KHDRBS2: variants seen among roughly 807,000 people sequenced by gnomAD.
KHDRBS2 encodes KH domain-containing, RNA-binding, signal transduction-associated protein 2.
KHDRBS2 carries 26 observed loss-of-function variants against 44.3 expected under a neutral mutation model. The ratio of observed to expected loss-of-function variants is 0.59; its 90% confidence interval spans 0.43 to 0.81. KHDRBS2 has a LOEUF of 0.81. Ranked by LOEUF, KHDRBS2 falls within the 40% of genes least tolerant of loss-of-function variation. The pLI is 0.00. For missense variants in KHDRBS2, 476 were observed against 433.1 expected (o/e 1.10, Z -0.88); for synonymous variants, 194 against 151.1 (o/e 1.28, Z -2.08).
In KHDRBS2 at chr6:62,177,296, T is replaced by C; in HGVS notation, c.108A>G (p.Gln36=). ...CGTCTTCCTTTTTTCCATCAGAACC[T>C]TGAAACTTTTCAATTTCTGGAAGAA... The part of the protein sequence containing the change: ...RLLAEEIEKF[Q]GSDGKKEDEE... Residue 36 remains glutamine, a synonymous_variant, in exon 2 of 9, where the codon CAA becomes CAG. Coordinates refer to ENST00000281156, the MANE Select transcript of KHDRBS2 (RefSeq NM_152688.4). 6.3e-7 allele frequency: 1 copy of C among 1,594,938 alleles called. No homozygotes were observed. The highest frequency in any genetic ancestry group is 8.6e-7 in the Non-Finnish European group (1 of 1,167,984).
At chr6:62,190,042 T>C (rs1824272879) in intron 1 of KHDRBS2, among the ~76,000 whole-genome samples, 1 of 152,114 alleles carries the variant, frequency 6.6e-6, no homozygotes, top group African/African-American at 2.4e-5. Context: ...CGCCAAGGAC[T>C]GAGCCCAGTG....
At chr6:61,863,062 T>C (rs912608226) in intron 6 of KHDRBS2, among the ~76,000 whole-genome samples, 1 of 152,136 alleles carries the variant, frequency 6.6e-6, no homozygotes, top group African/African-American at 2.4e-5. Flanking sequence ...GATTTTGTTA[T>C]TTATATGTAT....
intron 2 of KHDRBS2, among the ~76,000 whole-genome samples, chr6:62,103,973 T>C (rs1359328395): frequency 6.6e-6 from 1 of 151,974 alleles, no homozygotes; most frequent in Non-Finnish European, 1.5e-5. Context: ...TCATAAAGGA[T>C]GACCATGGAA....
chr6:61,604,781 T>A, the KHDRBS2 span, among the ~76,000 whole-genome samples: 197 of 152,288 alleles, frequency 1.3e-3, 4 homozygotes, highest in Non-Finnish European at 4.7e-4. Context: ...ACTCTTGGTC[T>A]GGGTAGACAC....
At chr6:62,056,056 G>A (rs768724455) in intron 2 of KHDRBS2, among the ~76,000 whole-genome samples, 1 of 151,834 alleles carries the variant, frequency 6.6e-6, no homozygotes. Context: ...CCATCTTTAC[G>A]GCCTGTTGGT....
intron 1 of KHDRBS2, among the ~76,000 whole-genome samples, chr6:62,220,626 T>C (rs1830748098): frequency 6.6e-6 from 1 of 151,832 alleles, no homozygotes; most frequent in African/African-American, 2.4e-5. Context: ...AACATTAGAC[T>C]ATTATCATTC....
At chr6:61,683,659 C>G (rs1280862473) in intron 8 of KHDRBS2, among the ~76,000 whole-genome samples, 2 of 151,968 alleles carry the variant, frequency 1.3e-5, no homozygotes, top group African/African-American at 2.4e-5. Flanking sequence ...AAAGGGTTAT[C>G]TAAGTATCAA....
At chr6:62,157,403 T>C (rs928293567) in intron 2 of KHDRBS2, among the ~76,000 whole-genome samples, 1 of 152,306 alleles carries the variant, frequency 6.6e-6, no homozygotes, top group East Asian at 1.9e-4. Flanking sequence ...TGTTTCATAG[T>C]TCTGGAACTA....
the KHDRBS2 span, among the ~76,000 whole-genome samples, chr6:61,576,005 A>G: frequency 6.6e-6 from 1 of 152,170 alleles, no homozygotes; most frequent in Non-Finnish European, 1.5e-5. Context: ...GGTACCGTGT[A>G]CACTGCTCAG....
At chr6:61,806,629 G>T in intron 6 of KHDRBS2, among the ~76,000 whole-genome samples, 1 of 91,194 alleles carries the variant, frequency 1.1e-5, no homozygotes, top group South Asian at 3.9e-4. Flanking sequence ...ATTGGTATAC[G>T]GGTCTGATTT....
chr6:61,921,972 T>A (rs868401476), intron 4 of KHDRBS2, among the ~76,000 whole-genome samples: 1 of 149,848 alleles, frequency 6.7e-6, no homozygotes, highest in South Asian at 2.1e-4. Context: ...ATTCTTTCTT[T>A]AGAGTGGCAA....
At chr6:62,122,734 C>T (rs1313126032) in intron 2 of KHDRBS2, among the ~76,000 whole-genome samples, 1 of 125,470 alleles carries the variant, frequency 8.0e-6, no homozygotes, top group Non-Finnish European at 1.7e-5. Flanking sequence ...ACAGCTGCCG[C>T]AGCACTACAG....
At chr6:61,892,446 C>A (rs1802033842) in intron 6 of KHDRBS2, among the ~76,000 whole-genome samples, 1 of 152,180 alleles carries the variant, frequency 6.6e-6, no homozygotes, top group Non-Finnish European at 1.5e-5. Flanking sequence ...ATTGCCAAGT[C>A]AATCCTAAGC....
intron 1 of KHDRBS2, among the ~76,000 whole-genome samples, chr6:62,200,787 T>C (rs1413520185): frequency 1.3e-5 from 2 of 152,168 alleles, no homozygotes; most frequent in Non-Finnish European, 2.9e-5. Flanking sequence ...CATGCACATG[T>C]ATGTTTATTG....
intron 6 of KHDRBS2, among the ~76,000 whole-genome samples, chr6:61,855,149 C>T (rs1366465938): frequency 1.3e-5 from 2 of 152,018 alleles, no homozygotes; most frequent in Non-Finnish European, 2.9e-5. Flanking sequence ...CTTTTATTGA[C>T]ACCATAGGTA....
At chr6:61,673,886 G>A in the KHDRBS2 span, among the ~76,000 whole-genome samples, 1 of 148,922 alleles carries the variant, frequency 6.7e-6, no homozygotes, top group African/African-American at 2.5e-5. Context: ...TCCCCATCAA[G>A]CTACCAATGA....
chr6:61,721,368 G>A (rs1238486935), intron 7 of KHDRBS2, among the ~76,000 whole-genome samples: 2 of 151,920 alleles, frequency 1.3e-5, no homozygotes, highest in Non-Finnish European at 2.9e-5. Flanking sequence ...ATTACCTCGG[G>A]CAGTATGGCC....
At chr6:62,248,346 A>C (rs1226725740) in intron 1 of KHDRBS2, among the ~76,000 whole-genome samples, 1 of 150,644 alleles carries the variant, frequency 6.6e-6, no homozygotes, top group Non-Finnish European at 1.5e-5. Context: ...ATATTATTTT[A>C]CTTTTATTAT....
chr6:61,780,311 G>T (rs1582804793), intron 6 of KHDRBS2, among the ~76,000 whole-genome samples: 1 of 152,022 alleles, frequency 6.6e-6, no homozygotes, highest in African/African-American at 2.4e-5. Context: ...ACCAGCCTGG[G>T]CAACATGGTG....
Sources: allele counts gnomAD v4.1 joint callset (sites outside exome capture counted in the v4.1 genomes callset), GRCh38; gene constraint gnomAD v4.1.1; transcripts MANE v1.5; gene names NCBI Gene and HGNC (gene_info 2026-07-23, HGNC 2026-07-21).